The following DYSF variants were observed in gnomAD, a reference collection of about 807,000 sequenced individuals.
DYSF encodes the protein dysferlin.
Under a neutral mutation model 274.9 loss-of-function variants are expected in DYSF, and 212 were observed. That is an observed-to-expected ratio of 0.77 (90% CI 0.69 to 0.86). The LOEUF is 0.86. Ranked by LOEUF, DYSF falls within the 40% of genes least tolerant of loss-of-function variation. DYSF has a pLI of 0.00. For synonymous variants in DYSF, 1,091 were observed against 1,078.7 expected (o/e 1.01, Z -0.22); for missense variants, 2,666 against 2,783.2 (o/e 0.96, Z 0.95).
chr2:71,680,937 G>T, intron 53 of DYSF, 64 bp from the exon 54 acceptor site: 2 of 1,434,856 alleles, frequency 1.4e-6, no homozygotes, highest in Non-Finnish European at 2.0e-6. Flanking sequence ...TTCTGGCCTG[G>T]TTACTCTCCA....
At chr2:71,555,925 C>T (rs746313650) in intron 21 of DYSF, 40 bp from the exon 22 acceptor site, 13 of 1,503,368 alleles carry the variant, frequency 8.6e-6, no homozygotes, top group Non-Finnish European at 1.1e-5. Context: ...ACCCTCTGCC[C>T]TGTGGTGACA....
intron 3 of DYSF, among the ~76,000 whole-genome samples, chr2:71,493,561 A>G (rs1430320587): frequency 1.3e-5 from 2 of 152,326 alleles, no homozygotes; most frequent in South Asian, 2.1e-4. Flanking sequence ...AAGAAACACA[A>G]AGGTTTTCAG....
At chr2:71,560,723 G>A (rs2091688314) in intron 22 of DYSF, among the ~76,000 whole-genome samples, 1 of 152,216 alleles carries the variant, frequency 6.6e-6, no homozygotes, top group South Asian at 2.1e-4. Context: ...ATAGCTCGGG[G>A]AAATTGGCAG....
chr2:71,568,046 G>GT lies in DYSF; in HGVS notation c.2664dup (p.Ala889CysfsTer2). The GT allele has an allele frequency of 1.2e-6, 2 of 1,614,186 alleles. No homozygotes were observed. Among genetic ancestry groups the GT allele is most frequent in the Non-Finnish European group, 1.7e-6 (2 of 1,180,032 alleles). On this transcript the variant is annotated frameshift_variant, in exon 25 of 56. Coordinates refer to ENST00000410020, the MANE Select transcript of DYSF (RefSeq NM_001130987.2). LOFTEE classifies it high-confidence loss of function. ...CAGTGGATGAGAAGGAGTTCAACCAGTTTGCTGAGGGGAAGCTGTCTGTCT... is the reference window on the plus strand; with the variant it reads ...CAGTGGATGAGAAGGAGTTCAACCAGTTTTGCTGAGGGGAAGCTGTCTGTCT...
At chr2:71,499,799 A>G (rs774926152) in intron 3 of DYSF, among the ~76,000 whole-genome samples, 255 of 152,192 alleles carry the variant, frequency 1.7e-3, no homozygotes, top group Non-Finnish European at 2.8e-3. Flanking sequence ...CAGCTAGCCA[A>G]GAGGTCTGAG....
chr2:71,627,828 A>G (rs1466320425), intron 41 of DYSF, among the ~76,000 whole-genome samples: 1 of 151,970 alleles, frequency 6.6e-6, no homozygotes, highest in Non-Finnish European at 1.5e-5. Context: ...GCCTCTGCCC[A>G]TTTCTGTCTT....
At chr2:71,551,797 T>C in intron 19 of DYSF, 77 bp downstream of exon 19, 1 of 1,214,050 alleles carries the variant, frequency 8.2e-7, no homozygotes, top group Non-Finnish European at 1.2e-6. Flanking sequence ...GGCCTTGAGG[T>C]GTCATGGCCG....
chr2:71,570,431 T>C, intron 28 of DYSF, 97 bp downstream of exon 28: 5 of 1,453,854 alleles, frequency 3.4e-6, no homozygotes, highest in Non-Finnish European at 4.8e-6. Flanking sequence ...CACTGGGCTA[T>C]TTCACCCAGG....
At chr2:71,614,795 C>T (rs145466130) in intron 40 of DYSF, among the ~76,000 whole-genome samples, 199 of 152,214 alleles carry the variant, frequency 1.3e-3, no homozygotes, top group African/African-American at 4.3e-3. Context: ...GATGGATGGA[C>T]GAATTTTCTG....
chr2:71,570,077 T>C, intron 27 of DYSF, 143 bp downstream of exon 27: 1 of 1,053,094 alleles, frequency 9.5e-7, no homozygotes, highest in Non-Finnish European at 1.5e-6. Context: ...AGGGAAAGTG[T>C]GGGGTGCAGT....
rs1292406255 is a variant in DYSF, at chr2:71,618,588, TGTGTGTGGTAGAGGTGGTGG to T, written c.4465-1953_4465-1934del. On this transcript the variant is annotated intron_variant, in intron 40 of 55. Transcript: ENST00000410020. ...TGTGTTTGTGTGGGGTAGAGTTGTG[TGTGTGTGGTAGAGGTGGTGG>T]GTGTGGTAGAGGTGGTGTGTGTGTT... Among the ~76,000 whole-genome samples the T allele has an allele frequency of 1.1e-3, 138 of 122,810 alleles. 1 individual carries two copies. Among genetic ancestry groups the T allele is most frequent in the Non-Finnish European group, 2.0e-3 (110 of 54,924 alleles). The allele number at this position is 122,810 out of a possible 152,430, so 80.6% of individuals were successfully genotyped here.
At chr2:71,661,089 C>G (rs1396171960) in intron 45 of DYSF, among the ~76,000 whole-genome samples, 5 of 141,268 alleles carry the variant, frequency 3.5e-5, no homozygotes, top group Non-Finnish European at 7.5e-5. Context: ...TGCACTCCAG[C>G]CTGGGTGACA....
chr2:71,553,088 C>G lies in DYSF; in HGVS notation c.1884C>G (p.Ala628=). 6.2e-7 allele frequency: 1 copy of G among 1,614,198 alleles called. No individual in the cohort carries two copies. Among genetic ancestry groups the G allele is most frequent in the South Asian group, 1.1e-5 (1 of 91,084 alleles). ...SATMLQDVDD[A]IQFEVSIGNY... Reference sequence around the variant, plus strand: ...CCATGCTGCAGGATGTGGATGATGCCATCCAGTTTGAGGTCAGCATCGGGA... The same window carrying G: ...CCATGCTGCAGGATGTGGATGATGCGATCCAGTTTGAGGTCAGCATCGGGA... The change falls in exon 20 of 56, where the codon GCC becomes GCG. Residue 628 remains alanine, a synonymous_variant. Coordinates refer to ENST00000410020, the MANE Select transcript of DYSF (RefSeq NM_001130987.2).
At chr2:71,646,222 G>A (rs2094565649) in intron 42 of DYSF, among the ~76,000 whole-genome samples, 2 of 152,250 alleles carry the variant, frequency 1.3e-5, no homozygotes, top group South Asian at 4.1e-4. Context: ...AAGAAGGTCT[G>A]ACACATTAGG....
chr2:71,559,713 C>T (rs2091594480), intron 22 of DYSF, among the ~76,000 whole-genome samples: 1 of 152,240 alleles, frequency 6.6e-6, no homozygotes, highest in South Asian at 2.1e-4. Flanking sequence ...GCCTGCTGGC[C>T]CTGCCAGGTG....
intron 40 of DYSF, among the ~76,000 whole-genome samples, chr2:71,616,018 C>T (rs752631993): frequency 4.6e-5 from 7 of 152,140 alleles, no homozygotes; most frequent in African/African-American, 1.2e-4. Context: ...CACTTTCCTC[C>T]GTGACACCTT....
At chr2:71,594,793 G>A (rs1185997074) in intron 32 of DYSF, among the ~76,000 whole-genome samples, 2 of 152,198 alleles carry the variant, frequency 1.3e-5, no homozygotes, top group Admixed American at 1.3e-4. Context: ...GCTTTGGGAA[G>A]CCTGACTTGG....
chr2:71,583,195 G>A (rs995912900), intron 30 of DYSF, among the ~76,000 whole-genome samples: 11 of 152,112 alleles, frequency 7.2e-5, no homozygotes, highest in African/African-American at 2.4e-4. Context: ...CAGAATTCCT[G>A]AAAATATAAT....
At chr2:71,537,287 C>T (rs1292179916) in intron 16 of DYSF, among the ~76,000 whole-genome samples, 1 of 125,306 alleles carries the variant, frequency 8.0e-6, no homozygotes, top group Non-Finnish European at 1.6e-5. Context: ...GCTCTTGTCA[C>T]CCAGGCTGGA....
Sources: gnomAD v4.1 joint callset for allele counts (sites outside exome capture counted in the v4.1 genomes callset) on GRCh38, gnomAD v4.1.1 for gene constraint, MANE v1.5 for transcripts, NCBI Gene and HGNC (gene_info 2026-07-23, HGNC 2026-07-21) for gene names.